The following SLC11A2 variants were observed in gnomAD, a reference collection of about 807,000 sequenced individuals.
The protein encoded by SLC11A2 is solute carrier family 11 member 2, also known as natural resistance-associated macrophage protein 2.
In SLC11A2, 38 loss-of-function variants were observed where a neutral mutation model predicts 68.0. The observed-to-expected ratio is 0.56, with a 90% CI of 0.43 to 0.73. The LOEUF is 0.73. Ranked by LOEUF, SLC11A2 falls within the 30% of genes least tolerant of loss-of-function variation. The probability of loss-of-function intolerance (pLI) is 0.00; values close to 1 mark genes in which losing one functional copy is unlikely to be tolerated. For missense variants in SLC11A2, 517 were observed against 690.5 expected, an observed-to-expected ratio of 0.75 and a Z score of 2.82; for synonymous variants, 242 against 250.6, an observed-to-expected ratio of 0.97 and a Z score of 0.32.
At chr12:50,964,589 A>G in the SLC11A2 span, among the ~76,000 whole-genome samples, 1 of 152,240 alleles carries the variant, frequency 6.6e-6, no homozygotes, top group Non-Finnish European at 1.5e-5. Context: ...ATACGGCTGG[A>G]GAGTTCACAC....
chr12:50,959,208 C>T, the SLC11A2 span, among the ~76,000 whole-genome samples: 4 of 152,050 alleles, frequency 2.6e-5, no homozygotes, highest in African/African-American at 9.7e-5. Flanking sequence ...CAACCTCTGC[C>T]TCCCGGGTTC....
downstream of SLC11A2, among the ~76,000 whole-genome samples, chr12:50,985,696 G>T (rs1940474563): frequency 6.6e-6 from 1 of 152,138 alleles, no homozygotes; most frequent in Non-Finnish European, 1.5e-5. Context: ...GAGAAAAGCA[G>T]AATAAAATTT....
rs1942943555 is a variant in SLC11A2, at chr12:51,008,497, C to G, written c.162G>C (p.Lys54Asn). 6.2e-7 allele frequency: 1 copy of G among 1,613,508 alleles called. No individual in the cohort carries two copies. Among genetic ancestry groups the G allele is most frequent in the Non-Finnish European group, 8.5e-7 (1 of 1,179,516 alleles). ...EEYFATYFNE[K>N]ISIPEEEYSC... ...TAACCTCCTCCTCAGGAATGGAGATCTTCTCATTAAAGTAAGTGGCGAAGT... is the reference window on the plus strand; with the variant it reads ...TAACCTCCTCCTCAGGAATGGAGATGTTCTCATTAAAGTAAGTGGCGAAGT... Residue 54 changes from lysine to asparagine, a missense_variant, in exon 3 of 16, where the codon AAG becomes AAC. Coordinates refer to ENST00000262052, the MANE Select transcript of SLC11A2 (RefSeq NM_000617.3).
intron 1 of SLC11A2, among the ~76,000 whole-genome samples, chr12:51,022,640 T>C (rs1031284489): frequency 6.6e-6 from 1 of 152,142 alleles, no homozygotes; most frequent in African/African-American, 2.4e-5. Flanking sequence ...TTTAAGTAAA[T>C]ATTGTCCTCC....
intron 1 of SLC11A2, 94 bp from the exon 2 acceptor site, chr12:51,010,860 C>A: frequency 3.9e-6 from 2 of 514,756 alleles, no homozygotes; most frequent in Non-Finnish European, 7.0e-6. Context: ...TGAATCCTTA[C>A]TATGAAAAGA....
At position 51,001,314 on chromosome 12, in the gene SLC11A2, TA is replaced by T. The variant is rs1942202931; in HGVS notation, c.430-896del. 2.6e-5 allele frequency among the ~76,000 whole-genome samples: 4 copies of T among 151,698 alleles called. No individual in the cohort carries two copies. The South Asian group carries it at 6.3e-4, about 24-fold the overall frequency. On this transcript the variant is annotated intron_variant, in intron 5 of 15. Coordinates refer to ENST00000262052, the MANE Select transcript of SLC11A2 (RefSeq NM_000617.3). The stretch of plus-strand genomic sequence containing the variant: ...CAAAACCCCATCTCTACAAAAAGTA[TA>T]AAAATTGGGAGCAAAATGATAAGAA...
chr12:51,018,255 C>T (rs2136385074), intron 1 of SLC11A2, among the ~76,000 whole-genome samples: 1 of 152,016 alleles, frequency 6.6e-6, no homozygotes, highest in Non-Finnish European at 1.5e-5. Context: ...ATTAGCCGGG[C>T]GTGGTTGTGG....
chr12:51,026,205 T>C (rs1592472901), intron 1 of SLC11A2, 105 bp downstream of exon 1: 3 of 1,202,158 alleles, frequency 2.5e-6, no homozygotes, highest in Non-Finnish European at 3.2e-6. Flanking sequence ...CGGTGTCGCA[T>C]CCTAGCCCCG....
chr12:51,017,140 A>T (rs1943720638), intron 1 of SLC11A2, among the ~76,000 whole-genome samples: 1 of 146,152 alleles, frequency 6.8e-6, no homozygotes, highest in Non-Finnish European at 1.5e-5. Flanking sequence ...TGTATTCTTT[A>T]AAAAAAAAAA....
chr12:51,001,140 G>A (rs1175431344), intron 5 of SLC11A2, among the ~76,000 whole-genome samples: 12 of 148,800 alleles, frequency 8.1e-5, no homozygotes. Flanking sequence ...ACTCCAGCCT[G>A]GACAACAAAG....
chr12:50,957,406 C>G, the SLC11A2 span, among the ~76,000 whole-genome samples: 27,624 of 151,228 alleles, frequency 0.18, 2,876 homozygotes, highest in East Asian at 0.5. Flanking sequence ...ACCATGTTGA[C>G]CAGGCTGGTC....
the SLC11A2 span, among the ~76,000 whole-genome samples, chr12:50,957,411 C>T: frequency 6.6e-6 from 1 of 151,490 alleles, no homozygotes; most frequent in Non-Finnish European, 1.5e-5. Context: ...GTTGACCAGG[C>T]TGGTCTCAAA....
the SLC11A2 span, among the ~76,000 whole-genome samples, chr12:50,953,157 T>C: frequency 6.6e-6 from 1 of 152,148 alleles, no homozygotes; most frequent in Non-Finnish European, 1.5e-5. Context: ...AGTTGGAAAT[T>C]GCACATCGTG....
chr12:50,962,191 G>A, the SLC11A2 span, among the ~76,000 whole-genome samples: 5,014 of 152,108 alleles, frequency 0.033, 273 homozygotes, highest in African/African-American at 0.11. Flanking sequence ...TTCGATACCA[G>A]CCTGGCCAAC....
downstream of SLC11A2, among the ~76,000 whole-genome samples, chr12:50,978,013 C>T (rs1349270251): frequency 6.6e-6 from 1 of 152,086 alleles, no homozygotes; most frequent in South Asian, 2.1e-4. Context: ...AGAGAGGATG[C>T]AGAGAAATAG....
the SLC11A2 span, among the ~76,000 whole-genome samples, chr12:50,972,575 G>A: frequency 5.9e-5 from 9 of 152,234 alleles, no homozygotes; most frequent in African/African-American, 2.2e-4. Flanking sequence ...CGACACAGAA[G>A]ATGGGTGATT....
At chr12:50,953,460 T>G in the SLC11A2 span, among the ~76,000 whole-genome samples, 1 of 152,224 alleles carries the variant, frequency 6.6e-6, no homozygotes, top group African/African-American at 2.4e-5. Flanking sequence ...AGGAATCCAT[T>G]GTCTAGCATA....
At chr12:50,954,741 A>G in the SLC11A2 span, among the ~76,000 whole-genome samples, 1 of 152,128 alleles carries the variant, frequency 6.6e-6, no homozygotes, top group Non-Finnish European at 1.5e-5. Flanking sequence ...CAAACAAACA[A>G]ATAAACAAAA....
At position 50,988,220 on chromosome 12, in the gene SLC11A2, AAC is replaced by A. The variant is rs1306704059; in HGVS notation, c.*103_*104del. 1.9e-6 allele frequency: 3 copies of A among 1,588,252 alleles called. No individual in the cohort carries two copies. Among genetic ancestry groups the A allele is most frequent in the Admixed American group, 3.6e-5 (2 of 55,318 alleles). On this transcript the variant is annotated 3_prime_UTR_variant, in exon 16 of 16. Coordinates refer to ENST00000262052, the MANE Select transcript of SLC11A2 (RefSeq NM_000617.3). ...TTTTCCAACCAACGGTTGAGTCATA[AAC>A]ACAGTCTGTGCAACGGCACATACTT...
Sources: allele counts gnomAD v4.1 joint callset (sites outside exome capture counted in the v4.1 genomes callset), GRCh38; gene constraint gnomAD v4.1.1; transcripts MANE v1.5; gene names NCBI Gene and HGNC (gene_info 2026-07-23, HGNC 2026-07-21).